The following FGF12 variants were observed in gnomAD, a reference collection of about 807,000 sequenced individuals.
FGF12 encodes fibroblast growth factor 12.
In FGF12, 14 loss-of-function variants were observed where a neutral mutation model predicts 23.6. The observed-to-expected ratio is 0.59, with a 90% CI of 0.39 to 0.93. The LOEUF is 0.93. FGF12 is among the 40% of genes least tolerant of loss of function. The pLI is 0.00. For missense variants in FGF12, 175 were observed against 217.8 expected (o/e 0.80, Z 1.24); for synonymous variants, 62 against 77.3 (o/e 0.80, Z 1.04).
Position 192,142,615 on chromosome 3 carries a change from T to C in FGF12, c.*1394A>G, listed in dbSNP as rs1356335938. On this transcript the variant is annotated 3_prime_UTR_variant, in exon 6 of 6. Transcript: ENST00000445105. ...TTTCTTCCTTGATTTTTAAAAATAC[T>C]TTAGTATTCTTAACTATGTATGTGC... is the stretch of plus-strand genomic sequence containing the variant. 1 of 148,566 alleles carries C rather than the reference T, an allele frequency of 6.7e-6. No individual in the cohort carries two copies. The highest frequency in any genetic ancestry group is 1.9e-4 in the East Asian group (1 of 5,192). 9.2% of individuals were successfully genotyped at this position (148,566 alleles called of 1,614,324 possible). A position where few individuals can be genotyped will look rare whatever the true frequency, so the allele number is the denominator to read the frequency against.
intron 4 of FGF12, among the ~76,000 whole-genome samples, chr3:192,194,655 A>G (rs2108652638): frequency 6.6e-6 from 1 of 152,238 alleles, no homozygotes. Flanking sequence ...GAGTGTGTCA[A>G]GTTTTTCCTG....
chr3:192,397,820 T>TATATAGATTTGAATATAGATCCC (rs1172561829), intron 2 of FGF12, among the ~76,000 whole-genome samples: 3 of 152,172 alleles, frequency 2.0e-5, no homozygotes, highest in Non-Finnish European at 4.4e-5. Context: ...GGGCACTTAT[T>TATATAGATTTGAATATAGATCCC]TAAATTCTGC....
At chr3:192,571,533 T>C (rs1049908533) in intron 2 of FGF12, among the ~76,000 whole-genome samples, 9 of 152,208 alleles carry the variant, frequency 5.9e-5, no homozygotes, top group African/African-American at 2.2e-4. Flanking sequence ...GGGTCCAGAC[T>C]TTCCATCCGA....
chr3:192,662,245 T>A (rs914161349), intron 2 of FGF12, among the ~76,000 whole-genome samples: 2 of 152,230 alleles, frequency 1.3e-5, no homozygotes, highest in African/African-American at 4.8e-5. Flanking sequence ...GATATGTTAT[T>A]CATCCTCCAG....
At chr3:192,417,353 T>C (rs1161531378) in intron 2 of FGF12, among the ~76,000 whole-genome samples, 10 of 121,092 alleles carry the variant, frequency 8.3e-5, no homozygotes, top group Non-Finnish European at 1.5e-4. Context: ...GTAGAATTCA[T>C]TACCAAAAAA....
At chr3:192,270,806 AG>A (rs1408228328) in intron 4 of FGF12, among the ~76,000 whole-genome samples, 1 of 151,700 alleles carries the variant, frequency 6.6e-6, no homozygotes. Context: ...GAAGGAAGGA[AG>A]GAAGGAAGGA....
intron 2 of FGF12, among the ~76,000 whole-genome samples, chr3:192,505,774 T>C (rs1724272456): frequency 6.6e-6 from 1 of 152,182 alleles, no homozygotes; most frequent in African/African-American, 2.4e-5. Flanking sequence ...ATCACAGAAT[T>C]ATAAATCTGG....
At chr3:192,301,597 A>T (rs967820677) in intron 4 of FGF12, among the ~76,000 whole-genome samples, 2 of 152,174 alleles carry the variant, frequency 1.3e-5, no homozygotes, top group South Asian at 2.1e-4. Flanking sequence ...GTACTGTGGC[A>T]ACAAAGGCAT....
rs113709068 is a variant in FGF12 at position 192,328,789 on chromosome 3, C to A, written c.228+6572G>T. Among the ~76,000 whole-genome samples the A allele has an allele frequency of 1.4e-4, 22 of 152,268 alleles. 1 individual carries two copies. Among genetic ancestry groups the A allele is most frequent in the African/African-American group, 5.1e-4 (21 of 41,544 alleles). On this transcript the variant is annotated intron_variant, in intron 4 of 5. Transcript: ENST00000445105. Reference sequence around the variant, plus strand: ...AGCTAACTAATTATGATTATAAGAGCAAACTATAACAAGATAAGAATTGTA... The same window carrying A: ...AGCTAACTAATTATGATTATAAGAGAAAACTATAACAAGATAAGAATTGTA...
chr3:192,496,373 T>C (rs1219215903), intron 2 of FGF12, among the ~76,000 whole-genome samples: 2 of 152,124 alleles, frequency 1.3e-5, no homozygotes, highest in Non-Finnish European at 2.9e-5. Flanking sequence ...AAGAGTCTGA[T>C]GTGACTCTGA....
At chr3:192,616,535 T>G (rs544792518) in intron 2 of FGF12, among the ~76,000 whole-genome samples, 1 of 151,972 alleles carries the variant, frequency 6.6e-6, no homozygotes, top group Non-Finnish European at 1.5e-5. Context: ...TCTCAGAATT[T>G]TGTTGTTTGA....
chr3:192,205,798 C>T (rs887505908), intron 4 of FGF12, among the ~76,000 whole-genome samples: 5 of 152,246 alleles, frequency 3.3e-5, no homozygotes, highest in African/African-American at 4.8e-5. Context: ...GTGTGATAAG[C>T]GTGGAAGAAG....
chr3:192,204,800 T>C (rs894991953), intron 4 of FGF12, among the ~76,000 whole-genome samples: 1 of 151,900 alleles, frequency 6.6e-6, no homozygotes, highest in Non-Finnish European at 1.5e-5. Flanking sequence ...GCAGGAGAAT[T>C]TCCTGAACCT....
intron 2 of FGF12, among the ~76,000 whole-genome samples, chr3:192,494,841 C>CATATATATATAT (rs60656064): frequency 5.7e-4 from 86 of 150,440 alleles, no homozygotes; most frequent in African/African-American, 2.0e-3. Context: ...AGGGCCTATG[C>CATATATATATAT]ATATATATAT....
chr3:192,350,263 A>T (rs1718158648), intron 3 of FGF12, among the ~76,000 whole-genome samples: 1 of 152,192 alleles, frequency 6.6e-6, no homozygotes, highest in Non-Finnish European at 1.5e-5. Context: ...TAGAATGTAC[A>T]GTTAAATCAG....
At chr3:192,304,414 T>C (rs116670407) in intron 4 of FGF12, among the ~76,000 whole-genome samples, 4,271 of 152,282 alleles carry the variant, frequency 0.028, 159 homozygotes, top group South Asian at 0.17. Flanking sequence ...CCATGGTTTA[T>C]TTGATTAAGC....
intron 2 of FGF12, among the ~76,000 whole-genome samples, chr3:192,576,909 A>C (rs1386119761): frequency 6.6e-6 from 1 of 152,186 alleles, no homozygotes; most frequent in East Asian, 1.9e-4. Flanking sequence ...CTTTGCAGGG[A>C]CAGGGGATGA....
At chr3:192,194,335 C>T (rs1240292375) in intron 4 of FGF12, among the ~76,000 whole-genome samples, 1 of 152,160 alleles carries the variant, frequency 6.6e-6, no homozygotes, top group Non-Finnish European at 1.5e-5. Context: ...ATAATGCATA[C>T]CTCAGAGGAT....
chr3:192,699,714 A>C (rs1173747078), intron 2 of FGF12, among the ~76,000 whole-genome samples: 5 of 152,146 alleles, frequency 3.3e-5, no homozygotes, highest in Admixed American at 2.6e-4. Context: ...TGTGTAGTCA[A>C]CTCTAATGAA....
Sources: gnomAD v4.1 joint callset for allele counts (sites outside exome capture counted in the v4.1 genomes callset) on GRCh38, gnomAD v4.1.1 for gene constraint, MANE v1.5 for transcripts, NCBI Gene and HGNC (gene_info 2026-07-23, HGNC 2026-07-21) for gene names.